The following SLC2A9 variants were observed in gnomAD, a reference collection of about 807,000 sequenced individuals.
The protein encoded by SLC2A9 is solute carrier family 2 member 9.
Under a neutral mutation model 50.6 loss-of-function variants are expected in SLC2A9, and 39 were observed. The observed-to-expected ratio is 0.77, with a 90% CI of 0.60 to 1.01. The LOEUF is 1.01. Ranked by LOEUF, SLC2A9 falls within the 50% of genes least tolerant of loss-of-function variation. The probability of loss-of-function intolerance (pLI) is 0.00; values close to 1 mark genes in which losing one functional copy is unlikely to be tolerated. For missense variants in SLC2A9, 686 were observed against 677.6 expected (o/e 1.01, Z -0.14); for synonymous variants, 324 against 276.9 (o/e 1.17, Z -1.69).
chr4:9,792,342 A>G (rs1179750156), intron 3 of SLC2A9, among the ~76,000 whole-genome samples: 2 of 143,482 alleles, frequency 1.4e-5, no homozygotes, highest in African/African-American at 2.6e-5. Context: ...ACACCTGGAT[A>G]GTTTTTTTTT....
intron 1 of SLC2A9, among the ~76,000 whole-genome samples, chr4:10,038,602 T>C (rs1011517188): frequency 2.0e-5 from 3 of 151,518 alleles, no homozygotes; most frequent in Non-Finnish European, 2.9e-5. Flanking sequence ...GATTCTTCCA[T>C]TAAAATAGAT....
intron 10 of SLC2A9, among the ~76,000 whole-genome samples, chr4:9,872,766 G>C (rs955912313): frequency 5.9e-5 from 9 of 152,210 alleles, no homozygotes; most frequent in Admixed American, 5.9e-4. Context: ...ACGCAGACAT[G>C]ATGAAGAACT....
chr4:9,830,537 A>G (rs1725949984), intron 11 of SLC2A9, among the ~76,000 whole-genome samples: 1 of 152,194 alleles, frequency 6.6e-6, no homozygotes, highest in Non-Finnish European at 1.5e-5. Context: ...TTGAAGAAAA[A>G]CAAAAAGCTC....
intron 10 of SLC2A9, among the ~76,000 whole-genome samples, chr4:9,872,507 T>A (rs962697072): frequency 6.6e-6 from 1 of 152,270 alleles, no homozygotes; most frequent in African/African-American, 2.4e-5. Flanking sequence ...TCCAAACGCT[T>A]GAATGAATAA....
At chr4:9,829,071 G>A (rs1164224744) in intron 11 of SLC2A9, among the ~76,000 whole-genome samples, 3 of 152,090 alleles carry the variant, frequency 2.0e-5, no homozygotes, top group Non-Finnish European at 4.4e-5. Flanking sequence ...GATGGGTGTC[G>A]TGAGGATTAT....
downstream of SLC2A9, among the ~76,000 whole-genome samples, chr4:9,776,544 G>T (rs1285150531): frequency 1.3e-5 from 2 of 152,032 alleles, no homozygotes; most frequent in African/African-American, 4.8e-5. Flanking sequence ...TTGAAATGCT[G>T]CCTGGTGCTC....
chr4:9,825,198 T>C (rs550140293), downstream of SLC2A9, among the ~76,000 whole-genome samples: 8 of 152,326 alleles, frequency 5.3e-5, no homozygotes, highest in African/African-American at 1.4e-4. Context: ...GAAGCAAGTA[T>C]AGGAAATCGC....
intron 1 of SLC2A9, among the ~76,000 whole-genome samples, chr4:10,033,819 C>T (rs767346810): frequency 2.6e-5 from 4 of 152,178 alleles, no homozygotes; most frequent in East Asian, 1.9e-4. Context: ...TGGTGGTGTC[C>T]GAAATCCAGG....
At chr4:9,994,466 A>T (rs1419987744) in intron 3 of SLC2A9, among the ~76,000 whole-genome samples, 5 of 151,874 alleles carry the variant, frequency 3.3e-5, no homozygotes, top group Non-Finnish European at 7.4e-5. Context: ...ACATCCTTTG[A>T]TCTGATCTTT....
rs141792444 is a variant in SLC2A9, at chr4:9,841,861, G to C, written c.1292-6853C>G. 4.6e-5 allele frequency among the ~76,000 whole-genome samples: 7 copies of C among 152,236 alleles called. No homozygotes were observed. In the East Asian group the frequency reaches 5.8e-4, roughly 13 times the overall value. ...TTTGAGAGGGCTGTTTGGGGGGAAG[G>C]TATCTTCTTGATCTTTCTCTGCAAT... On this transcript the variant is annotated intron_variant, in intron 10 of 11. Coordinates refer to ENST00000264784, the MANE Select transcript of SLC2A9 (RefSeq NM_020041.3).
At chr4:9,936,197 C>T (rs918279411) in intron 6 of SLC2A9, among the ~76,000 whole-genome samples, 5 of 152,098 alleles carry the variant, frequency 3.3e-5, no homozygotes, top group African/African-American at 7.2e-5. Flanking sequence ...GTGATCAGGT[C>T]GGGGGTGCAG....
intron 10 of SLC2A9, among the ~76,000 whole-genome samples, chr4:9,841,949 G>T (rs1728143598): frequency 1.3e-5 from 2 of 152,204 alleles, no homozygotes; most frequent in South Asian, 4.2e-4. Context: ...GAGTTCTTAG[G>T]GTTCATAAAA....
chr4:9,909,718 C>A (rs1183816101), intron 7 of SLC2A9, among the ~76,000 whole-genome samples: 1 of 152,218 alleles, frequency 6.6e-6, no homozygotes, highest in African/African-American at 2.4e-5. Context: ...TGGGTTCTCC[C>A]CATCCCAGCC....
chr4:9,923,420 G>T (rs1486149378), intron 6 of SLC2A9, among the ~76,000 whole-genome samples: 1 of 152,188 alleles, frequency 6.6e-6, no homozygotes, highest in Non-Finnish European at 1.5e-5. Context: ...TAACTGCCCT[G>T]CTGACACTGT....
chr4:9,811,748 T>G (rs1722925864), intron 3 of SLC2A9, among the ~76,000 whole-genome samples: 1 of 152,148 alleles, frequency 6.6e-6, no homozygotes, highest in South Asian at 2.1e-4. Flanking sequence ...TTGGGGATAT[T>G]TTGTTCCTCA....
rs145319086 is a variant in SLC2A9, at chr4:9,933,008, C to T, written c.814+8905G>A. The stretch of plus-strand genomic sequence containing the variant: ...TCATCTGTGCCAAGAACATCAGCCA[C>T]GTTAACGAGAGCAGCTCCAGCATCT... On this transcript the variant is annotated intron_variant, in intron 6 of 11. Coordinates refer to ENST00000264784, the MANE Select transcript of SLC2A9 (RefSeq NM_020041.3). 2.8e-3 allele frequency among the ~76,000 whole-genome samples: 428 copies of T among 152,288 alleles called. 4 individuals carry two copies. Among genetic ancestry groups the T allele is most frequent in the African/African-American group, 9.4e-3 (392 of 41,554 alleles).
chr4:9,992,479 T>C (rs1757880633), intron 3 of SLC2A9, among the ~76,000 whole-genome samples: 1 of 152,212 alleles, frequency 6.6e-6, no homozygotes, highest in Admixed American at 6.5e-5. Flanking sequence ...TCTCCTGGCA[T>C]TGTCAAATGT....
chr4:9,929,835 C>T (rs1318737978), intron 6 of SLC2A9, among the ~76,000 whole-genome samples: 3 of 152,178 alleles, frequency 2.0e-5, no homozygotes, highest in Non-Finnish European at 4.4e-5. Context: ...ACAGACTTCA[C>T]AGTCCTGGAG....
At chr4:9,882,351 C>T (rs766972243) in intron 10 of SLC2A9, among the ~76,000 whole-genome samples, 1 of 152,102 alleles carries the variant, frequency 6.6e-6, no homozygotes, top group Non-Finnish European at 1.5e-5. Context: ...CAATCTTTAG[C>T]AAAGAGCTGA....
Sources: allele counts gnomAD v4.1 joint callset (sites outside exome capture counted in the v4.1 genomes callset), GRCh38; gene constraint gnomAD v4.1.1; transcripts MANE v1.5; gene names NCBI Gene and HGNC (gene_info 2026-07-23, HGNC 2026-07-21).